Variants in FXN observed in about 807,000 individuals in gnomAD.
FXN encodes frataxin, mitochondrial.
FXN carries 14 observed loss-of-function variants against 22.4 expected under a neutral mutation model. The ratio of observed to expected loss-of-function variants is 0.62; its 90% CI spans 0.41 to 0.98. The LOEUF is 0.98. Among genes scored for constraint, FXN ranks in the 50% least tolerant of loss-of-function variants. FXN has a pLI of 0.00. For missense variants in FXN, 267 were observed against 268.4 expected, an observed-to-expected ratio of 0.99 and a Z score of 0.04; for synonymous variants, 120 against 114.1, an observed-to-expected ratio of 1.05 and a Z score of -0.33.
chr9:69,035,873 G>A lies in FXN; in HGVS notation c.91G>A (p.Ala31Thr). ...AQTLTRVPRP[A>T]ELAPLCGRRG... ...GACCCTCACCCGGGTCCCGCGGCCG[G>A]CAGAGTTGGCCCCACTCTGCGGCCG... is the stretch of plus-strand genomic sequence containing the variant. Residue 31 changes from alanine (A) to threonine (T), a missense_variant, in exon 1 of 5, where the codon GCA becomes ACA. Physicochemically the swap from Ala to Thr is moderately conservative, Grantham distance 58. Coordinates refer to ENST00000484259, the MANE Select transcript of FXN (RefSeq NM_000144.5). The A allele has an allele frequency of 6.7e-7, 1 of 1,495,644 alleles. No homozygotes were observed. The highest frequency in any genetic ancestry group is 1.5e-5 in the African/African-American group (1 of 68,810). The allele number at this position is 1,495,644 out of a possible 1,614,324, so 92.6% of individuals were successfully genotyped here.
Position 69,073,077 on chromosome 9 carries a change from G to A in FXN, c.*315G>A. On this transcript the variant is annotated 3_prime_UTR_variant, in exon 5 of 5. Coordinates refer to ENST00000484259, the MANE Select transcript of FXN (RefSeq NM_000144.5). ...AACCTTTAAAAAAGCAAAATAATAA[G>A]AAGGAAAAATTCCAGGAGGGAAAAT... 8.3e-7 allele frequency: 1 copy of A among 1,199,588 alleles called. No homozygotes were observed. The highest frequency in any genetic ancestry group is 2.2e-5 in the South Asian group (1 of 46,120). 74.3% of individuals were successfully genotyped at this position (1,199,588 alleles called of 1,614,324 possible).
chr9:69,065,134 C>A, intron 4 of FXN, 99 bp downstream of exon 4: 2 of 893,802 alleles, frequency 2.2e-6, no homozygotes, highest in Non-Finnish European at 3.7e-6. Flanking sequence ...AGCACAGTGG[C>A]TGACACCTGT....
intron 4 of FXN, among the ~76,000 whole-genome samples, chr9:69,068,719 C>G (rs1386362907): frequency 1.3e-5 from 2 of 152,214 alleles, no homozygotes; most frequent in Non-Finnish European, 2.9e-5. Context: ...AAGGTGAGAT[C>G]CACAGAAAGG....
rs149929356 is a variant in FXN at position 69,043,446 on chromosome 9, C to T, written c.166-2939C>T. Reference sequence around the variant, plus strand: ...GTTGTTGTTGTTTGAGACAGGGTCTCCCTCTGTTGCCCAGGCTGCTGGAGT... The same window carrying T: ...GTTGTTGTTGTTTGAGACAGGGTCTTCCTCTGTTGCCCAGGCTGCTGGAGT... On this transcript the variant is annotated intron_variant, in intron 1 of 4. Coordinates refer to ENST00000484259, the MANE Select transcript of FXN (RefSeq NM_000144.5). 8.4e-3 allele frequency: 1,273 copies of T among 152,314 alleles called. 10 individuals carry two copies. Among genetic ancestry groups the T allele is most frequent in the Admixed American group, 0.015 (235 of 15,282 alleles). 9.4% of individuals were successfully genotyped at this position (152,314 alleles called of 1,614,324 possible).
chr9:69,062,502 T>C lies in FXN; in HGVS notation c.385-2436T>C, dbSNP rs143246204. ...AAAAAAAATGTTTTTTTAAACAAAC[T>C]TACGTATTGTATAATCCCAGCCCTT... is the stretch of plus-strand genomic sequence containing the variant. On this transcript the variant is annotated intron_variant, in intron 3 of 4. Transcript: ENST00000484259. 6.8e-3 allele frequency among the ~76,000 whole-genome samples: 1,032 copies of C among 152,238 alleles called. 4 individuals carry two copies. The highest frequency in any genetic ancestry group is 0.011 in the Non-Finnish European group (730 of 68,018).
chr9:69,059,323 C>T (rs1832021735), intron 3 of FXN, among the ~76,000 whole-genome samples: 1 of 147,780 alleles, frequency 6.8e-6, no homozygotes, highest in Non-Finnish European at 1.5e-5. Flanking sequence ...CAGCTTCAAG[C>T]TGGAAGTGTC....
At chr9:69,049,361 A>G (rs1416759713) in intron 2 of FXN, among the ~76,000 whole-genome samples, 5 of 152,022 alleles carry the variant, frequency 3.3e-5, no homozygotes, top group African/African-American at 1.2e-4. Context: ...TATCAGGCCA[A>G]CCACTCTTTT....
At position 69,077,594 on chromosome 9, in the gene FXN, G is replaced by A; in HGVS notation, c.*4832G>A. The A allele has an allele frequency of 2.0e-6, 2 of 985,448 alleles. No individual in the cohort carries two copies. Among genetic ancestry groups the A allele is most frequent in the Non-Finnish European group, 2.4e-6 (2 of 829,972 alleles). 61.0% of individuals were successfully genotyped at this position (985,448 alleles called of 1,614,324 possible). On this transcript the variant is annotated 3_prime_UTR_variant, in exon 5 of 5. Coordinates refer to ENST00000484259, the MANE Select transcript of FXN (RefSeq NM_000144.5). ...CTCTGCTGTCCACTTGTGTTTCTGT[G>A]ATCTGTGGGAACATTGTTAACGCCA...
chr9:69,044,811 C>T (rs1016965611), intron 1 of FXN, among the ~76,000 whole-genome samples: 1 of 152,180 alleles, frequency 6.6e-6, no homozygotes, highest in African/African-American at 2.4e-5. Flanking sequence ...GACCCTGTCA[C>T]CTGGATGTCC....
intron 3 of FXN, among the ~76,000 whole-genome samples, chr9:69,056,554 G>A (rs149043736): frequency 1.3e-5 from 2 of 152,218 alleles, no homozygotes; most frequent in Non-Finnish European, 2.9e-5. Flanking sequence ...TTAAGACTGG[G>A]AGTTCGAGGC....
At chr9:69,072,400 GT>G (rs1832291142) in intron 4 of FXN, among the ~76,000 whole-genome samples, 3 of 152,126 alleles carry the variant, frequency 2.0e-5, no homozygotes, top group Non-Finnish European at 4.4e-5. Flanking sequence ...GTTTTTTCAG[GT>G]TTTGAGAATC....
At chr9:69,070,676 G>T (rs2133135355) in intron 4 of FXN, among the ~76,000 whole-genome samples, 1 of 152,196 alleles carries the variant, frequency 6.6e-6, no homozygotes, top group East Asian at 1.9e-4. Flanking sequence ...ATAGCATTAG[G>T]ATGGTAAGGC....
In FXN at chr9:69,078,936, A is replaced by G. The variant is rs1436553594; in HGVS notation, c.*6174A>G. The stretch of plus-strand genomic sequence containing the variant: ...CTGTACCTTCCATGAGGCTAGGACT[A>G]TGTGTCTCCTTTGTTGACTGCTGTT... On this transcript the variant is annotated 3_prime_UTR_variant, in exon 5 of 5. Transcript: ENST00000484259. 1.4e-5 allele frequency: 14 copies of G among 970,064 alleles called. No individual in the cohort carries two copies. The highest frequency in any genetic ancestry group is 6.2e-5 in the Admixed American group (1 of 16,222). 60.1% of individuals were successfully genotyped at this position (970,064 alleles called of 1,614,324 possible). A position where few individuals can be genotyped will look rare whatever the true frequency, so the allele number is the denominator to read the frequency against.
In FXN at chr9:69,078,979, A is replaced by G. The variant is rs1832419149; in HGVS notation, c.*6217A>G. On this transcript the variant is annotated 3_prime_UTR_variant, in exon 5 of 5. Transcript: ENST00000484259. ...CTGCTGTTGCCCTAGCATCTTGCAC[A>G]GTTCCTTGCACACAATTAGAGCTCT... The G allele has an allele frequency of 2.3e-6, 2 of 884,622 alleles. No homozygotes were observed. Among genetic ancestry groups the G allele is most frequent in the South Asian group, 5.2e-5 (1 of 19,188 alleles). The allele number at this position is 884,622 out of a possible 1,614,324, so 54.8% of individuals were successfully genotyped here.
At position 69,073,805 on chromosome 9, in the gene FXN, G is replaced by A; in HGVS notation, c.*1043G>A. 2.0e-6 allele frequency: 2 copies of A among 985,084 alleles called. No homozygotes were observed. The highest frequency in any genetic ancestry group is 2.4e-6 in the Non-Finnish European group (2 of 829,882). 61.0% of individuals were successfully genotyped at this position (985,084 alleles called of 1,614,324 possible). A position where few individuals can be genotyped will look rare whatever the true frequency, so the allele number is the denominator to read the frequency against. ...TTCCCTATTGGGTAGATGAGGGGAT[G>A]ACAAAGAACAGTTTTTAAGCTATAT... On this transcript the variant is annotated 3_prime_UTR_variant, in exon 5 of 5. Coordinates refer to ENST00000484259, the MANE Select transcript of FXN (RefSeq NM_000144.5).
In FXN at chr9:69,073,298, A is replaced by T; in HGVS notation, c.*536A>T. 1 of 1,002,766 alleles carries T rather than the reference A, an allele frequency of 1.0e-6. No homozygotes were observed. Among genetic ancestry groups the T allele is most frequent in the Non-Finnish European group, 1.2e-6 (1 of 839,818 alleles). 62.1% of individuals were successfully genotyped at this position (1,002,766 alleles called of 1,614,324 possible). A position where few individuals can be genotyped will look rare whatever the true frequency, so the allele number is the denominator to read the frequency against. ...AAGTGTCGAAAGCAACTCACACGGG[A>T]AGATCATTTCTTATTTGTGCTCTGT... On this transcript the variant is annotated 3_prime_UTR_variant, in exon 5 of 5. Transcript: ENST00000484259.
chr9:69,069,532 C>A (rs1452640140), intron 4 of FXN, among the ~76,000 whole-genome samples: 1 of 152,212 alleles, frequency 6.6e-6, no homozygotes, highest in African/African-American at 2.4e-5. Context: ...GCTGAATGTC[C>A]TGCCTCTGCT....
chr9:69,066,425 G>C (rs79081447), intron 4 of FXN, among the ~76,000 whole-genome samples: 31 of 152,250 alleles, frequency 2.0e-4, no homozygotes, highest in African/African-American at 6.5e-4. Context: ...AAGTGTGCTA[G>C]AGTTCAACAA....
At chr9:69,037,921 G>T (rs374661295) in intron 1 of FXN, among the ~76,000 whole-genome samples, 1 of 152,222 alleles carries the variant, frequency 6.6e-6, no homozygotes, top group East Asian at 1.9e-4. Flanking sequence ...CAAAGTGCTG[G>T]AATTACAGGC....
Sources: gnomAD v4.1 joint callset for allele counts (sites outside exome capture counted in the v4.1 genomes callset) on GRCh38, gnomAD v4.1.1 for gene constraint, MANE v1.5 for transcripts, NCBI Gene and HGNC (gene_info 2026-07-23, HGNC 2026-07-21) for gene names.